The following GRIP2 variants were observed in gnomAD, a reference collection of about 807,000 sequenced individuals.
The protein encoded by GRIP2 is glutamate receptor-interacting protein 2.
A neutral mutation model predicts 108.3 loss-of-function variants in GRIP2; 58 were observed. The observed-to-expected ratio is 0.54, with a 90% confidence interval of 0.43 to 0.67. The LOEUF (loss-of-function observed/expected upper bound fraction) is 0.67. Among genes scored for constraint, GRIP2 ranks in the 30% least tolerant of loss-of-function variants. The pLI, the probability that GRIP2 is intolerant of heterozygous loss-of-function variation, is 0.00. For synonymous variants in GRIP2, 586 were observed against 598.2 expected (o/e 0.98, Z 0.30); for missense variants, 1,278 against 1,430.6 (o/e 0.89, Z 1.72).
the GRIP2 span, among the ~76,000 whole-genome samples, chr3:14,576,428 C>T: frequency 7.9e-5 from 12 of 152,212 alleles, no homozygotes; most frequent in South Asian, 2.1e-4. Context: ...CTTCACTACA[C>T]GGCCTCGCAT....
At chr3:14,572,545 G>A in the GRIP2 span, among the ~76,000 whole-genome samples, 2 of 127,462 alleles carry the variant, frequency 1.6e-5, no homozygotes, top group Admixed American at 9.4e-5. Flanking sequence ...CCGGGAGGCG[G>A]AGCTTGCAGT....
At chr3:14,574,527 G>A in the GRIP2 span, 3 of 742,632 alleles carry the variant, frequency 4.0e-6, no homozygotes, top group South Asian at 1.4e-5. Context: ...CTCCTGCTCC[G>A]GTGCCTTCTC....
At chr3:14,510,255 GTTGT>G (rs199610768) in intron 16 of GRIP2, among the ~76,000 whole-genome samples, 9,451 of 124,582 alleles carry the variant, frequency 0.076, 962 homozygotes, top group African/African-American at 0.26. Flanking sequence ...CCGATCATCC[GTTGT>G]TTTTTTTTTT....
chr3:14,528,486 C>T (rs1247882549), intron 1 of GRIP2, among the ~76,000 whole-genome samples: 1 of 152,174 alleles, frequency 6.6e-6, no homozygotes, highest in Non-Finnish European at 1.5e-5. Context: ...CCATTTTGCA[C>T]CCGACCAACA....
At chr3:14,591,879 C>T in the GRIP2 span, among the ~76,000 whole-genome samples, 1 of 152,178 alleles carries the variant, frequency 6.6e-6, no homozygotes, top group African/African-American at 2.4e-5. Context: ...GATGTAAGTA[C>T]CTGGTGCCCA....
chr3:14,533,621 G>A (rs889361486), intron 1 of GRIP2, among the ~76,000 whole-genome samples: 3 of 152,066 alleles, frequency 2.0e-5, no homozygotes, highest in Non-Finnish European at 4.4e-5. Flanking sequence ...GCTGGCGAAG[G>A]GGGGGACCCA....
At chr3:14,554,434 G>A (rs970871246) in intron 1 of GRIP2, among the ~76,000 whole-genome samples, 3 of 140,990 alleles carry the variant, frequency 2.1e-5, no homozygotes, top group Non-Finnish European at 2.9e-5. Context: ...CTGAACAGAG[G>A]ACAGCAGCCT....
chr3:14,547,965 T>C (rs1490492416), intron 1 of GRIP2, among the ~76,000 whole-genome samples: 1 of 152,044 alleles, frequency 6.6e-6, no homozygotes, highest in East Asian at 1.9e-4. Flanking sequence ...GTATCTCTTA[T>C]AAAAGGGACT....
intron 1 of GRIP2, among the ~76,000 whole-genome samples, chr3:14,552,101 T>C (rs931539857): frequency 1.3e-4 from 20 of 152,172 alleles, no homozygotes; most frequent in African/African-American, 4.6e-4. Context: ...CGAGCCACCA[T>C]AGCTGATCTG....
chr3:14,597,582 C>T, the GRIP2 span, among the ~76,000 whole-genome samples: 5 of 152,144 alleles, frequency 3.3e-5, no homozygotes, highest in Admixed American at 1.3e-4. Context: ...AAATTATTTT[C>T]CAAGCCTACC....
Position 14,522,970 on chromosome 3 carries a change from AGTGT to A in GRIP2, c.566+26_566+29del, listed in dbSNP as rs1694454815. 1 of 1,594,948 alleles carries A rather than the reference AGTGT, an allele frequency of 6.3e-7. No homozygotes were observed. The highest frequency in any genetic ancestry group is 1.3e-5 in the African/African-American group (1 of 74,716). Reference sequence around the variant, plus strand: ...CAGGGGAGTTGGGGCAGGTCAGTGCAGTGTGTGGATTTCTTCTGCCTCGGCTCAC... The same window carrying A: ...CAGGGGAGTTGGGGCAGGTCAGTGCAGTGGATTTCTTCTGCCTCGGCTCAC... On this transcript the variant is annotated intron_variant, in intron 6 of 23. Transcript: ENST00000621039. This position sits in a 1 kb window ranked among gnomAD's most constrained non-coding sequence, Gnocchi z 4.3.
rs917832700 is a variant in GRIP2, at chr3:14,493,935, G to A, written c.2971-109C>T. ...AGATGGGTCCTGCCCCAGCCTTGAC[G>A]CAAGCCCTGACATCACCAGCACCAC... On this transcript the variant is annotated intron_variant, in intron 23 of 23. Transcript: ENST00000621039. The A allele has an allele frequency of 1.5e-5, 18 of 1,166,456 alleles. No individual in the cohort carries two copies. In the East Asian group the frequency reaches 2.6e-4, roughly 17 times the overall value. The allele number at this position is 1,166,456 out of a possible 1,614,324, so 72.3% of individuals were successfully genotyped here.
intron 1 of GRIP2, among the ~76,000 whole-genome samples, chr3:14,526,556 T>C (rs1451043786): frequency 6.6e-6 from 1 of 152,210 alleles, no homozygotes; most frequent in Non-Finnish European, 1.5e-5. Context: ...CCTCCTTCAC[T>C]CTAATTCGAG....
chr3:14,558,954 G>A (rs1695279099), upstream of GRIP2, among the ~76,000 whole-genome samples: 1 of 152,212 alleles, frequency 6.6e-6, no homozygotes, highest in Non-Finnish European at 1.5e-5. Context: ...AAGAAGGGGA[G>A]CTCCGAGGGC....
At chr3:14,593,257 G>T in the GRIP2 span, among the ~76,000 whole-genome samples, 3 of 152,102 alleles carry the variant, frequency 2.0e-5, no homozygotes, top group Non-Finnish European at 4.4e-5. Flanking sequence ...GTATTATGGA[G>T]AAAAAAACAT....
intron 1 of GRIP2, among the ~76,000 whole-genome samples, chr3:14,532,016 C>G (rs1694721593): frequency 6.6e-6 from 1 of 152,182 alleles, no homozygotes; most frequent in Non-Finnish European, 1.5e-5. Context: ...TCCTACCACC[C>G]CAACCTCTGC....
chr3:14,559,483 G>A (rs1274800325), upstream of GRIP2, among the ~76,000 whole-genome samples: 2 of 150,950 alleles, frequency 1.3e-5, no homozygotes, highest in Non-Finnish European at 2.9e-5. Context: ...CTATGATCCA[G>A]TAGTTTCTAA....
chr3:14,589,839 G>A, the GRIP2 span, among the ~76,000 whole-genome samples: 14 of 147,168 alleles, frequency 9.5e-5, no homozygotes, highest in Non-Finnish European at 1.8e-4. Context: ...GGAGTGTAGT[G>A]GTATGACCAT....
At chr3:14,569,064 A>G in the GRIP2 span, among the ~76,000 whole-genome samples, 1 of 152,190 alleles carries the variant, frequency 6.6e-6, no homozygotes, top group Non-Finnish European at 1.5e-5. Flanking sequence ...AAGCTGGGCC[A>G]TCAGGATTAC....
Sources: allele counts gnomAD v4.1 joint callset (sites outside exome capture counted in the v4.1 genomes callset), GRCh38; gene constraint gnomAD v4.1.1; non-coding constraint Gnocchi (gnomAD v3.1); transcripts MANE v1.5; gene names NCBI Gene and HGNC (gene_info 2026-07-23, HGNC 2026-07-21).